Variants in LNPEP observed in about 807,000 individuals in gnomAD.
The protein encoded by LNPEP is leucyl and cystinyl aminopeptidase.
Under a neutral mutation model 120.6 loss-of-function variants are expected in LNPEP, and 64 were observed. The observed-to-expected ratio is 0.53, with a 90% CI of 0.43 to 0.65. The LOEUF (loss-of-function observed/expected upper bound fraction) is 0.65, where lower values mean the gene tolerates loss of function less well. Ranked by LOEUF, LNPEP falls within the 30% of genes least tolerant of loss-of-function variation. The probability of loss-of-function intolerance (pLI) is 0.00; values close to 1 mark genes in which losing one functional copy is unlikely to be tolerated. For missense variants in LNPEP, 1,057 were observed against 1,200.0 expected (o/e 0.88, Z 1.76); for synonymous variants, 435 against 425.4 (o/e 1.02, Z -0.28).
At position 96,996,483 on chromosome 5, in the gene LNPEP, A is replaced by G. The variant is rs1449306576; in HGVS notation, c.1501A>G (p.Ile501Val). 2.5e-6 allele frequency: 4 copies of G among 1,587,342 alleles called. No individual in the cohort carries two copies. Among genetic ancestry groups the G allele is most frequent in the Non-Finnish European group, 3.5e-6 (4 of 1,156,518 alleles). Reference sequence around the variant, plus strand: ...CATGGAGTATTTCTCTTTGGAAAAAATATTCAAAGAGCTTTCTAGTGTAAG... The same window carrying G: ...CATGGAGTATTTCTCTTTGGAAAAAGTATTCAAAGAGCTTTCTAGTGTAAG... Reference protein sequence around the residue: ...TFMEYFSLEKIFKELSSYEDF... With the variant: ...TFMEYFSLEKVFKELSSYEDF... Residue 501 changes from isoleucine to valine, a missense_variant, in exon 7 of 18, where the codon ATA becomes GTA. Physicochemically the swap from Ile to Val is conservative, Grantham distance 29 (BLOSUM62 3). Coordinates refer to ENST00000231368, the MANE Select transcript of LNPEP (RefSeq NM_005575.3).
chr5:97,006,018 A>G (rs1417870505), intron 9 of LNPEP, 55 bp from the exon 10 acceptor site: 2 of 585,134 alleles, frequency 3.4e-6, no homozygotes, highest in Non-Finnish European at 4.8e-6. Flanking sequence ...AATTTTTTAA[A>G]CCAATTTTTA....
intron 1 of LNPEP, chr5:96,936,704 C>T (rs1788896003): frequency 6.6e-6 from 1 of 152,418 alleles, no homozygotes; most frequent in South Asian, 2.1e-4. Context: ...AAGGCTTGCT[C>T]ACCTCGCTCG....
At chr5:96,949,830 T>G (rs923339996) in intron 1 of LNPEP, among the ~76,000 whole-genome samples, 4 of 152,244 alleles carry the variant, frequency 2.6e-5, no homozygotes, top group Non-Finnish European at 5.9e-5. Context: ...AGAGTAATAT[T>G]ACTCCAAACA....
chr5:96,965,369 G>T (rs1789702880), intron 1 of LNPEP, among the ~76,000 whole-genome samples: 1 of 151,574 alleles, frequency 6.6e-6, no homozygotes, highest in Non-Finnish European at 1.5e-5. Context: ...TTGAAGACTG[G>T]GTGCAAAAAT....
chr5:96,963,382 CTG>C (rs1789651223), intron 1 of LNPEP, among the ~76,000 whole-genome samples: 2 of 152,182 alleles, frequency 1.3e-5, no homozygotes, highest in Non-Finnish European at 2.9e-5. Context: ...GTTTCCTCTG[CTG>C]ATCTTGCATG....
chr5:96,990,109 A>G (rs191330357), intron 4 of LNPEP, among the ~76,000 whole-genome samples: 39 of 152,350 alleles, frequency 2.6e-4, no homozygotes, highest in Middle Eastern at 3.4e-3. Flanking sequence ...TGGAAAGAAT[A>G]GGTACAGCTA....
intron 9 of LNPEP, among the ~76,000 whole-genome samples, chr5:97,004,018 G>T (rs73139226): frequency 0.025 from 3,754 of 152,164 alleles, 159 homozygotes; most frequent in African/African-American, 0.086. Flanking sequence ...CAAGCTGACT[G>T]CATATTATCC....
At chr5:96,997,477 G>T (rs569501284) in intron 7 of LNPEP, among the ~76,000 whole-genome samples, 7 of 152,048 alleles carry the variant, frequency 4.6e-5, no homozygotes, top group Non-Finnish European at 1.0e-4. Context: ...GTGTAAAAAG[G>T]TCTAATACAT....
intron 1 of LNPEP, 129 bp from the exon 2 acceptor site, chr5:96,979,009 T>C: frequency 1.0e-6 from 1 of 979,310 alleles, no homozygotes; most frequent in East Asian, 2.6e-5. Context: ...AGCTCTGAGA[T>C]GGAAATAAGT....
rs753127781 is a variant in LNPEP at position 96,979,273 on chromosome 5, G to A, written c.155G>A (p.Arg52Gln). The A allele has an allele frequency of 6.2e-6, 10 of 1,613,824 alleles. No individual in the cohort carries two copies. In the Middle Eastern group the frequency reaches 4.9e-4, roughly 80 times the overall value. ...DEVEYEPRGS[R>Q]LLVRGLGEHE... ...GTGGAATATGAGCCCCGGGGTTCCCGACTGCTGGTGCGGGGTCTTGGTGAG... is the reference window on the plus strand; with the variant it reads ...GTGGAATATGAGCCCCGGGGTTCCCAACTGCTGGTGCGGGGTCTTGGTGAG... The change falls in exon 2 of 18, where the codon CGA (arginine) becomes CAA (glutamine). Residue 52 changes from arginine (R) to glutamine (Q), a missense_variant. Transcript: ENST00000231368.
At position 96,979,631 on chromosome 5, in the gene LNPEP, C is replaced by T. The variant is rs764985708; in HGVS notation, c.513C>T (p.Ala171=). ...FPWAQIRLPT[A]VVPLRYELSL... The stretch of plus-strand genomic sequence containing the variant: ...GGGCACAGATCAGGCTTCCCACTGC[C>T]GTTGTGCCACTACGCTATGAACTCA... The change falls in exon 2 of 18, where the codon GCC becomes GCT. Residue 171 remains alanine, a synonymous_variant. Transcript: ENST00000231368. 18 of 1,613,952 alleles carry T rather than the reference C, an allele frequency of 1.1e-5. No individual in the cohort carries two copies. The highest frequency in any genetic ancestry group is 8.3e-5 in the Admixed American group (5 of 59,978).
intron 16 of LNPEP, among the ~76,000 whole-genome samples, chr5:97,027,289 C>G (rs964062392): frequency 3.3e-5 from 5 of 151,732 alleles, no homozygotes; most frequent in African/African-American, 1.2e-4. Context: ...GGAGGCAGAA[C>G]TTGCAGTGAG....
intron 1 of LNPEP, among the ~76,000 whole-genome samples, chr5:96,954,627 TATATAC>T (rs372527031): frequency 0.022 from 2,147 of 98,300 alleles, 376 homozygotes; most frequent in Non-Finnish European, 0.03. Context: ...TCTATATATA[TATATAC>T]ATATATACAT....
intron 1 of LNPEP, among the ~76,000 whole-genome samples, chr5:96,945,859 T>A (rs543842986): frequency 4.1e-4 from 63 of 152,270 alleles, no homozygotes; most frequent in Non-Finnish European, 8.1e-4. Flanking sequence ...AGAGGAAAAA[T>A]TTATAGAGAT....
intron 2 of LNPEP, among the ~76,000 whole-genome samples, chr5:96,982,402 T>C (rs1561440256): frequency 6.6e-6 from 1 of 152,244 alleles, no homozygotes; most frequent in Non-Finnish European, 1.5e-5. Flanking sequence ...CTTCAAGTTA[T>C]TCAGCATAGA....
chr5:97,009,381 G>A (rs1160265234), intron 11 of LNPEP, among the ~76,000 whole-genome samples: 1 of 151,996 alleles, frequency 6.6e-6, no homozygotes, highest in Non-Finnish European at 1.5e-5. Flanking sequence ...ATTGACGGTA[G>A]TGATCATGGC....
In LNPEP at chr5:97,009,954, TTTTC is replaced by T. The variant is rs531511776; in HGVS notation, c.2035+3447_2035+3450del. On this transcript the variant is annotated intron_variant, in intron 11 of 17. Transcript: ENST00000231368. ...GATGGTTGGTTAAATCTTTAATATATTTTCTTTCTTTTTTTAAATATATTTTCAT... is the reference window on the plus strand; with the variant it reads ...GATGGTTGGTTAAATCTTTAATATATTTTCTTTTTTTAAATATATTTTCAT... 4.8e-3 allele frequency among the ~76,000 whole-genome samples: 730 copies of T among 152,292 alleles called. 3 individuals are homozygous for T. Among genetic ancestry groups the T allele is most frequent in the African/African-American group, 0.014 (597 of 41,568 alleles).
intron 9 of LNPEP, among the ~76,000 whole-genome samples, chr5:97,004,665 T>G (rs765553380): frequency 2.0e-5 from 3 of 152,168 alleles, no homozygotes; most frequent in Non-Finnish European, 4.4e-5. Context: ...GCTCTGGATC[T>G]TTCTCATACA....
chr5:96,976,238 G>A (rs1460992839), intron 1 of LNPEP, among the ~76,000 whole-genome samples: 4 of 151,736 alleles, frequency 2.6e-5, no homozygotes, highest in Non-Finnish European at 5.9e-5. Context: ...TGATATGATT[G>A]TGCATACAAA....
Sources: gnomAD v4.1 joint callset for allele counts (sites outside exome capture counted in the v4.1 genomes callset) on GRCh38, gnomAD v4.1.1 for gene constraint, MANE v1.5 for transcripts, NCBI Gene and HGNC (gene_info 2026-07-23, HGNC 2026-07-21) for gene names.